Variants in WWOX observed in about 807,000 individuals in gnomAD.
The protein encoded by WWOX is WW domain-containing oxidoreductase.
In WWOX, 69 loss-of-function variants were observed where a neutral mutation model predicts 46.2. The observed-to-expected ratio is 1.49, with a 90% CI of 1.23 to 1.82. WWOX has a LOEUF of 1.82. WWOX is among the 40% of genes most tolerant of loss of function. WWOX has a pLI of 0.00. For synonymous variants in WWOX, 359 were observed against 202.6 expected (o/e 1.77, Z -6.56); for missense variants, 919 against 542.6 (o/e 1.69, Z -6.89).
chr16:78,730,617 ATT>A (rs536906826), intron 8 of WWOX, among the ~76,000 whole-genome samples: 32 of 123,042 alleles, frequency 2.6e-4, no homozygotes, highest in African/African-American at 7.6e-4. Context: ...ACGCCCGGCA[ATT>A]TTTTTTTTTT....
At chr16:79,185,967 CGTGT>C (rs113299262) in intron 8 of WWOX, among the ~76,000 whole-genome samples, 4 of 149,662 alleles carry the variant, frequency 2.7e-5, no homozygotes, top group African/African-American at 9.8e-5. Flanking sequence ...TGTGTGCATG[CGTGT>C]GTGTGTGTGT....
chr16:78,792,223 A>T (rs897158892), intron 8 of WWOX, among the ~76,000 whole-genome samples: 2 of 152,110 alleles, frequency 1.3e-5, no homozygotes, highest in Non-Finnish European at 2.9e-5. Context: ...GCTCCCCTGC[A>T]TTGCTCTGCT....
At chr16:78,583,411 C>G (rs181320395) in intron 8 of WWOX, among the ~76,000 whole-genome samples, 165 of 152,324 alleles carry the variant, frequency 1.1e-3, no homozygotes, top group African/African-American at 3.8e-3. Context: ...TGAGATGCCA[C>G]TGTGGTATCT....
intron 8 of WWOX, among the ~76,000 whole-genome samples, chr16:78,785,330 G>T (rs12921046): frequency 0.62 from 93,948 of 151,986 alleles, 29,292 homozygotes; most frequent in Admixed American, 0.66. Flanking sequence ...ACCCTGCTCT[G>T]AATGTTTCTT....
chr16:78,685,240 A>G (rs1446995554), intron 8 of WWOX, among the ~76,000 whole-genome samples: 4 of 152,158 alleles, frequency 2.6e-5, no homozygotes, highest in African/African-American at 4.8e-5. Context: ...CTAATGGTAG[A>G]GTCAAGTGTT....
chr16:79,088,667 T>A (rs1476845044), intron 8 of WWOX, among the ~76,000 whole-genome samples: 2 of 152,192 alleles, frequency 1.3e-5, no homozygotes, highest in African/African-American at 4.8e-5. Context: ...GCAGGGGGGC[T>A]CCTTCTGTGG....
chr16:78,926,789 T>G (rs749329704), intron 8 of WWOX, among the ~76,000 whole-genome samples: 7 of 152,038 alleles, frequency 4.6e-5, no homozygotes, highest in Non-Finnish European at 7.4e-5. Flanking sequence ...TGCCAGTTTG[T>G]TTTTTTGTTT....
chr16:78,817,905 GC>G (rs2051382411), intron 8 of WWOX, among the ~76,000 whole-genome samples: 3 of 152,188 alleles, frequency 2.0e-5, no homozygotes, highest in South Asian at 4.1e-4. Flanking sequence ...ATCTCATTGG[GC>G]TTTCCAGGAA....
At chr16:78,729,700 A>T (rs1356660223) in intron 8 of WWOX, among the ~76,000 whole-genome samples, 1 of 152,160 alleles carries the variant, frequency 6.6e-6, no homozygotes, top group Non-Finnish European at 1.5e-5. Flanking sequence ...TGTTGTGTGT[A>T]GGCACCCAGT....
intron 8 of WWOX, among the ~76,000 whole-genome samples, chr16:78,855,625 G>A (rs7404138): frequency 0.75 from 113,435 of 152,020 alleles, 43,119 homozygotes; most frequent in Middle Eastern, 0.88. Flanking sequence ...AGAGCTAACC[G>A]AAGAGGGAAG....
At chr16:78,867,113 A>G (rs1359104469) in intron 8 of WWOX, among the ~76,000 whole-genome samples, 3 of 152,126 alleles carry the variant, frequency 2.0e-5, no homozygotes, top group African/African-American at 7.2e-5. Context: ...TAGCTCACTA[A>G]AAGTGGTTAA....
intron 8 of WWOX, among the ~76,000 whole-genome samples, chr16:78,852,896 A>G (rs547483918): frequency 3.9e-5 from 6 of 152,282 alleles, no homozygotes; most frequent in African/African-American, 1.4e-4. Flanking sequence ...ACTTTCTCAA[A>G]AAGTAGTTTG....
At position 78,119,427 on chromosome 16, in the gene WWOX, GCT is replaced by G. The variant is rs554741806; in HGVS notation, c.409+4274_409+4275del. Among the ~76,000 whole-genome samples the G allele has an allele frequency of 1.5e-3, 226 of 152,240 alleles. 1 individual carries two copies. Among genetic ancestry groups the G allele is most frequent in the African/African-American group, 5.3e-3 (221 of 41,550 alleles). On this transcript the variant is annotated intron_variant, in intron 4 of 8. Transcript: ENST00000566780. ...AAATGCTGCCCCCTGCTACCTGCAG[GCT>G]GACATGTTGCTCATCAAAGGCAGGA... is the stretch of plus-strand genomic sequence containing the variant.
intron 8 of WWOX, among the ~76,000 whole-genome samples, chr16:79,020,348 C>T (rs930057938): frequency 2.0e-5 from 3 of 152,130 alleles, no homozygotes; most frequent in Non-Finnish European, 4.4e-5. Context: ...AGTCTTAAGT[C>T]CAACCAGTGG....
At chr16:78,648,204 C>A (rs748319153) in intron 8 of WWOX, among the ~76,000 whole-genome samples, 1 of 152,152 alleles carries the variant, frequency 6.6e-6, no homozygotes, top group African/African-American at 2.4e-5. Context: ...CGTCAAACCA[C>A]CTTTTTCCTC....
chr16:79,000,052 G>C (rs1417053964), intron 8 of WWOX, among the ~76,000 whole-genome samples: 1 of 152,126 alleles, frequency 6.6e-6, no homozygotes. Context: ...ATAGCGAAAG[G>C]GTCTCTTCAG....
At chr16:78,414,814 T>C (rs2082763219) in intron 6 of WWOX, among the ~76,000 whole-genome samples, 1 of 152,100 alleles carries the variant, frequency 6.6e-6, no homozygotes, top group Non-Finnish European at 1.5e-5. Context: ...ACGAAATTTC[T>C]CCCAAAGTTA....
chr16:78,990,861 T>G (rs1439490875), intron 8 of WWOX, among the ~76,000 whole-genome samples: 1 of 152,160 alleles, frequency 6.6e-6, no homozygotes, highest in Non-Finnish European at 1.5e-5. Context: ...TGGCATTTTT[T>G]AAAAGGAGAC....
intron 8 of WWOX, among the ~76,000 whole-genome samples, chr16:78,794,766 A>G (rs1005929748): frequency 3.3e-5 from 5 of 152,212 alleles, no homozygotes; most frequent in Admixed American, 2.6e-4. Flanking sequence ...ATGGAGACCC[A>G]TGTGTTCAGG....
Sources: gnomAD v4.1 joint callset for allele counts (sites outside exome capture counted in the v4.1 genomes callset) on GRCh38, gnomAD v4.1.1 for gene constraint, MANE v1.5 for transcripts, NCBI Gene and HGNC (gene_info 2026-07-23, HGNC 2026-07-21) for gene names.